ZFAT: variants seen among roughly 807,000 people sequenced by gnomAD.
The protein encoded by ZFAT is zinc finger protein ZFAT.
Under a neutral mutation model 117.7 loss-of-function variants are expected in ZFAT, and 64 were observed. The observed-to-expected ratio is 0.54, with a 90% CI of 0.44 to 0.67. The LOEUF is 0.67. ZFAT is among the 30% of genes least tolerant of loss of function. The pLI, the probability that ZFAT is intolerant of heterozygous loss-of-function variation, is 0.00. For missense variants in ZFAT, 1,433 were observed against 1,584.5 expected (o/e 0.90, Z 1.62); for synonymous variants, 679 against 615.0 (o/e 1.10, Z -1.54).
chr8:134,659,739 AC>A (rs139746784), intron 1 of ZFAT, among the ~76,000 whole-genome samples: 2,157 of 152,220 alleles, frequency 0.014, 55 homozygotes, highest in African/African-American at 0.048. Flanking sequence ...TCTCCTCTTT[AC>A]AGTAAAACTC....
At chr8:134,650,466 T>C (rs1025196852) in intron 2 of ZFAT, among the ~76,000 whole-genome samples, 1 of 152,164 alleles carries the variant, frequency 6.6e-6, no homozygotes, top group Admixed American at 6.5e-5. Flanking sequence ...CTCAGGTATT[T>C]CTTCACAGCA....
chr8:134,565,253 G>C lies in ZFAT; in HGVS notation c.2976+80C>G, dbSNP rs1318247181. On this transcript the variant is annotated intron_variant, in intron 11 of 15. Transcript: ENST00000377838. ...AAGGTAAAACCAACAAACAATGAAA[G>C]AATGCTCTCTCCATCTTCACTTTGA... The C allele has an allele frequency of 1.9e-6, 3 of 1,599,674 alleles. No homozygotes were observed. In the East Asian group the frequency reaches 6.7e-5, roughly 36 times the overall value.
rs1828077836 is a variant in ZFAT at position 134,608,675 on chromosome 8, G to A, written c.785+54C>T. On this transcript the variant is annotated intron_variant, in intron 5 of 15. Transcript: ENST00000377838. ...ATGCTGATCCTTCCTGCACTCTGTG[G>A]AGTTCACTCACATGCAACCTCTGGC... The A allele has an allele frequency of 2.5e-5, 39 of 1,586,186 alleles. No individual in the cohort carries two copies. The South Asian group carries it at 4.0e-4, about 16-fold the overall frequency.
At chr8:134,527,004 A>G (rs1439183124) in intron 12 of ZFAT, among the ~76,000 whole-genome samples, 2 of 152,162 alleles carry the variant, frequency 1.3e-5, no homozygotes, top group Non-Finnish European at 2.9e-5. Flanking sequence ...GATGTGATTC[A>G]GTTCAGGATC....
At chr8:134,561,299 T>C (rs540239425) in intron 11 of ZFAT, among the ~76,000 whole-genome samples, 6 of 152,322 alleles carry the variant, frequency 3.9e-5, no homozygotes, top group South Asian at 2.1e-4. Flanking sequence ...ATATTAAAAA[T>C]TGCATATAAG....
chr8:134,646,265 G>A (rs1444038674), intron 2 of ZFAT, among the ~76,000 whole-genome samples: 1 of 152,056 alleles, frequency 6.6e-6, no homozygotes, highest in African/African-American at 2.4e-5. Flanking sequence ...AAATAAAAAG[G>A]AAGAAATTTG....
intron 15 of ZFAT, among the ~76,000 whole-genome samples, chr8:134,485,277 C>T (rs1352566660): frequency 6.6e-6 from 1 of 152,210 alleles, no homozygotes; most frequent in African/African-American, 2.4e-5. Context: ...AGCCAGGCCA[C>T]TGTGCACAGC....
At chr8:134,626,130 C>G (rs191871876) in intron 3 of ZFAT, among the ~76,000 whole-genome samples, 1 of 152,302 alleles carries the variant, frequency 6.6e-6, no homozygotes, top group East Asian at 1.9e-4. Flanking sequence ...CATTAAGAGT[C>G]ACAATAAGCA....
At chr8:134,773,033 G>T in the ZFAT span, among the ~76,000 whole-genome samples, 1 of 149,038 alleles carries the variant, frequency 6.7e-6, no homozygotes, top group African/African-American at 2.5e-5. Context: ...GTTTGAGGCT[G>T]CAGTGAGCTA....
chr8:134,538,958 T>C (rs1445482502), intron 11 of ZFAT, among the ~76,000 whole-genome samples: 1 of 152,216 alleles, frequency 6.6e-6, no homozygotes, highest in East Asian at 1.9e-4. Flanking sequence ...AGTATGAGTA[T>C]GGGTGACAGA....
rs1586858360 is a variant in ZFAT at position 134,634,720 on chromosome 8, A to C, written c.448+2741T>G. The stretch of plus-strand genomic sequence containing the variant: ...AAACAGAATACTTTATGTCACTGAC[A>C]AATGATGCCACAGAGCCACACGGAA... On this transcript the variant is annotated intron_variant, in intron 3 of 15. Transcript: ENST00000377838. 2.0e-5 allele frequency among the ~76,000 whole-genome samples: 3 copies of C among 152,220 alleles called. No homozygotes were observed. The South Asian group carries it at 6.2e-4, about 32-fold the overall frequency.
At chr8:134,676,730 A>G (rs1177918459) in intron 1 of ZFAT, among the ~76,000 whole-genome samples, 1 of 152,236 alleles carries the variant, frequency 6.6e-6, no homozygotes, top group Non-Finnish European at 1.5e-5. Flanking sequence ...AAAGAACGGA[A>G]ATCATAACAA....
At chr8:134,734,300 C>A in the ZFAT span, among the ~76,000 whole-genome samples, 2 of 152,188 alleles carry the variant, frequency 1.3e-5, no homozygotes, top group Non-Finnish European at 1.5e-5. Context: ...CCTGTCGCTT[C>A]GGGCTGCTCC....
At chr8:134,589,753 C>G (rs147552978) in intron 8 of ZFAT, among the ~76,000 whole-genome samples, 475 of 152,300 alleles carry the variant, frequency 3.1e-3, no homozygotes, top group Non-Finnish European at 4.5e-3. Flanking sequence ...CAGGAATTAA[C>G]CAGGTAGGGC....
intron 1 of ZFAT, among the ~76,000 whole-genome samples, chr8:134,686,688 G>A (rs192277437): frequency 1.3e-4 from 20 of 152,244 alleles, no homozygotes; most frequent in Admixed American, 2.0e-4. Flanking sequence ...CTTCTGCACA[G>A]GGCTGCAGAG....
the ZFAT span, among the ~76,000 whole-genome samples, chr8:134,802,137 A>AAT: frequency 6.6e-6 from 1 of 152,232 alleles, no homozygotes; most frequent in Non-Finnish European, 1.5e-5. Context: ...GGAAGTTTGT[A>AAT]ATATGGTACA....
At chr8:134,831,566 G>C in the ZFAT span, among the ~76,000 whole-genome samples, 1 of 152,158 alleles carries the variant, frequency 6.6e-6, no homozygotes, top group East Asian at 1.9e-4. Flanking sequence ...CGCCACTTTC[G>C]CTGGCCCCGG....
At chr8:134,822,115 G>C in the ZFAT span, among the ~76,000 whole-genome samples, 1 of 152,030 alleles carries the variant, frequency 6.6e-6, no homozygotes, top group Non-Finnish European at 1.5e-5. Flanking sequence ...ACCATTTTCA[G>C]GGGAAATGCA....
chr8:134,499,125 A>C lies in ZFAT; in HGVS notation c.3492+10494T>G, dbSNP rs574126862. Reference sequence around the variant, plus strand: ...GGGATGCCCCCGTTGCTGGTTACACACAGAGCCTGATTTGGTAGGGTTGGC... The same window carrying C: ...GGGATGCCCCCGTTGCTGGTTACACCCAGAGCCTGATTTGGTAGGGTTGGC... On this transcript the variant is annotated intron_variant, in intron 15 of 15. Coordinates refer to ENST00000377838, the MANE Select transcript of ZFAT (RefSeq NM_020863.4). Among the ~76,000 whole-genome samples, 177 of 115,024 alleles carry C rather than the reference A, an allele frequency of 1.5e-3. 11 individuals are homozygous for C. Among genetic ancestry groups the C allele is most frequent in the African/African-American group, 5.3e-3 (164 of 30,928 alleles). 75.5% of individuals were successfully genotyped at this position (115,024 alleles called of 152,430 possible).
Sources: gnomAD v4.1 joint callset for allele counts (sites outside exome capture counted in the v4.1 genomes callset) on GRCh38, gnomAD v4.1.1 for gene constraint, MANE v1.5 for transcripts, NCBI Gene and HGNC (gene_info 2026-07-23, HGNC 2026-07-21) for gene names.